CCDC186: variants seen among roughly 807,000 people sequenced by gnomAD.
CCDC186 encodes the protein coiled-coil domain containing 186.
CCDC186 carries 49 observed loss-of-function variants against 113.7 expected under a neutral mutation model. That is an observed-to-expected ratio of 0.43 (90% CI 0.34 to 0.55). The LOEUF is 0.55. CCDC186 is among the 20% of genes least tolerant of loss of function. The probability of loss-of-function intolerance (pLI) is 0.02; values close to 1 mark genes in which losing one functional copy is unlikely to be tolerated. For synonymous variants in CCDC186, 355 were observed against 345.8 expected (o/e 1.03, Z -0.30); for missense variants, 890 against 1,011.1 (o/e 0.88, Z 1.62).
chr10:114,163,214 T>C lies in CCDC186; in HGVS notation c.55A>G (p.Thr19Ala). ...CATGAGTCTTCCTTTAATTCAGGTG[T>C]TTTCCCAACATTTTTATCAGAGGAA... is the stretch of plus-strand genomic sequence containing the variant. ...STSSDKNVGK[T>A]PELKEDSCNL... The change falls in exon 2 of 16, where the codon ACA (threonine) becomes GCA (alanine). Residue 19 changes from threonine to alanine, a missense_variant. Physicochemically the swap from Thr to Ala is moderately conservative, Grantham distance 58 (BLOSUM62 0). Coordinates refer to ENST00000369287, the MANE Select transcript of CCDC186 (RefSeq NM_018017.4). The C allele has an allele frequency of 1.2e-6, 2 of 1,613,694 alleles. No homozygotes were observed. The highest frequency in any genetic ancestry group is 1.7e-6 in the Non-Finnish European group (2 of 1,179,996).
intron 13 of CCDC186, 110 bp from the exon 14 acceptor site, chr10:114,127,781 G>T: frequency 1.0e-6 from 1 of 989,064 alleles, no homozygotes; most frequent in Non-Finnish European, 1.5e-6. Context: ...AACAGAGTTG[G>T]ACACAGAAGA....
At chr10:114,151,799 T>C (rs1453776280) in intron 3 of CCDC186, among the ~76,000 whole-genome samples, 1 of 152,160 alleles carries the variant, frequency 6.6e-6, no homozygotes. Flanking sequence ...GTTTACTTAT[T>C]AGTGGCCCCA....
intron 14 of CCDC186, 92 bp downstream of exon 14, chr10:114,127,369 G>T: frequency 8.8e-7 from 1 of 1,133,202 alleles, no homozygotes; most frequent in African/African-American, 1.6e-5. Context: ...TTGAAAGATA[G>T]GTTCTTGATA....
chr10:114,147,828 G>A (rs1564912001), intron 4 of CCDC186, among the ~76,000 whole-genome samples: 1 of 152,046 alleles, frequency 6.6e-6, no homozygotes, highest in Non-Finnish European at 1.5e-5. Flanking sequence ...TAGACAAGGT[G>A]AAATATTATG....
Position 114,149,754 on chromosome 10 carries a change from CAGGAAGGAAGGAAGGA to C in CCDC186, c.888+1322_888+1337del, listed in dbSNP as rs1182536298. ...GGACGAAGGAAGGAAGGCAGGAAGG[CAGGAAGGAAGGAAGGA>C]AGGAAGGCAGGAAGGCAGGAAGGAA... On this transcript the variant is annotated intron_variant, in intron 4 of 15. Coordinates refer to ENST00000369287, the MANE Select transcript of CCDC186 (RefSeq NM_018017.4). Among the ~76,000 whole-genome samples the C allele has an allele frequency of 5.3e-4, 32 of 60,660 alleles. 1 individual carries two copies. The highest frequency in any genetic ancestry group is 1.8e-3 in the East Asian group (3 of 1,642). 39.8% of individuals were successfully genotyped at this position (60,660 alleles called of 152,430 possible). A position where few individuals can be genotyped will look rare whatever the true frequency, so the allele number is the denominator to read the frequency against.
At chr10:114,169,352 C>G (rs2119819660) in intron 1 of CCDC186, among the ~76,000 whole-genome samples, 1 of 148,812 alleles carries the variant, frequency 6.7e-6, no homozygotes, top group East Asian at 2.1e-4. Flanking sequence ...TCCAGCGATT[C>G]TCCCGCTCAG....
chr10:114,145,496 A>T (rs1428296005), intron 5 of CCDC186, 53 bp downstream of exon 5: 19 of 1,414,494 alleles, frequency 1.3e-5, no homozygotes, highest in African/African-American at 2.9e-5. Flanking sequence ...TGGAAAAGCA[A>T]AGAGAACAAA....
chr10:114,163,390 C>T (rs2032238395), intron 1 of CCDC186, 61 bp from the exon 2 acceptor site: 26 of 1,344,258 alleles, frequency 1.9e-5, no homozygotes, highest in Non-Finnish European at 2.4e-5. Flanking sequence ...TACAAACTTG[C>T]ACACACTCTG....
rs10659450 is a variant in CCDC186, at chr10:114,129,314, CA to C, written c.2182+576del. Among the ~76,000 whole-genome samples, 1,349 of 138,840 alleles carry C rather than the reference CA, an allele frequency of 9.7e-3. 22 individuals carry two copies. Among genetic ancestry groups the C allele is most frequent in the African/African-American group, 0.032 (1,202 of 38,148 alleles). The allele number at this position is 138,840 out of a possible 152,430, so 91.1% of individuals were successfully genotyped here. A position where few individuals can be genotyped will look rare whatever the true frequency, so the allele number is the denominator to read the frequency against. The stretch of plus-strand genomic sequence containing the variant: ...TGGGTGACTGAGTTAAGACCTGTCT[CA>C]AAAAAAAAAAGAAAGAAAAAGAAAA... On this transcript the variant is annotated intron_variant, in intron 13 of 15. Transcript: ENST00000369287.
In CCDC186 at chr10:114,123,626, T is replaced by C. The variant is rs896039661; in HGVS notation, c.*1517A>G. The C allele has an allele frequency of 6.6e-6, 1 of 152,196 alleles. No homozygotes were observed. Among genetic ancestry groups the C allele is most frequent in the African/African-American group, 2.4e-5 (1 of 41,452 alleles). 9.4% of individuals were successfully genotyped at this position (152,196 alleles called of 1,614,324 possible). On this transcript the variant is annotated 3_prime_UTR_variant, in exon 16 of 16. Coordinates refer to ENST00000369287, the MANE Select transcript of CCDC186 (RefSeq NM_018017.4). Reference sequence around the variant, plus strand: ...GCATAAGAGCCACGGTATCTTATTATAGTAATGATCTGAAGATAATGAATT... The same window carrying C: ...GCATAAGAGCCACGGTATCTTATTACAGTAATGATCTGAAGATAATGAATT...
chr10:114,166,593 C>T (rs1028029188), intron 1 of CCDC186, among the ~76,000 whole-genome samples: 1 of 152,200 alleles, frequency 6.6e-6, no homozygotes, highest in Non-Finnish European at 1.5e-5. Flanking sequence ...ACTCTTAAGT[C>T]TCATGCAATA....
At chr10:114,155,669 C>T (rs982757362) in intron 3 of CCDC186, among the ~76,000 whole-genome samples, 2 of 151,460 alleles carry the variant, frequency 1.3e-5, no homozygotes, top group African/African-American at 2.4e-5. Flanking sequence ...GAGCGAAACC[C>T]CATCTCAAAG....
chr10:114,138,035 C>A, intron 6 of CCDC186, among the ~76,000 whole-genome samples: 1 of 46,846 alleles, frequency 2.1e-5, no homozygotes, highest in African/African-American at 7.9e-5. Flanking sequence ...GAAACTCGGT[C>A]TCAAAAAAAA....
chr10:114,161,438 A>G (rs2032164965), intron 2 of CCDC186, among the ~76,000 whole-genome samples: 1 of 152,180 alleles, frequency 6.6e-6, no homozygotes, highest in African/African-American at 2.4e-5. Context: ...AATGTATAAC[A>G]TCTTATAATT....
chr10:114,170,923 G>C (rs182647996), intron 1 of CCDC186, among the ~76,000 whole-genome samples: 2 of 152,060 alleles, frequency 1.3e-5, no homozygotes, highest in South Asian at 4.2e-4. Flanking sequence ...ACAGGACAAA[G>C]AGAAATTATG....
At chr10:114,151,042 C>G in intron 4 of CCDC186, 50 bp downstream of exon 4, 1 of 1,595,572 alleles carries the variant, frequency 6.3e-7, no homozygotes, top group East Asian at 2.2e-5. Flanking sequence ...TTTTAACAAA[C>G]AAGAGTCACC....
At chr10:114,168,582 G>A (rs746687679) in intron 1 of CCDC186, among the ~76,000 whole-genome samples, 19 of 152,022 alleles carry the variant, frequency 1.2e-4, no homozygotes, top group Non-Finnish European at 2.1e-4. Context: ...AAACTGGCTC[G>A]ACTGGTCTTG....
At chr10:114,154,719 C>T (rs1029238314) in intron 3 of CCDC186, among the ~76,000 whole-genome samples, 1 of 152,144 alleles carries the variant, frequency 6.6e-6, no homozygotes, top group African/African-American at 2.4e-5. Flanking sequence ...CCTAGGTATA[C>T]ACCCAAGAGA....
rs1262871924 is a variant in CCDC186, at chr10:114,127,638, C to T, written c.2216G>A (p.Arg739Gln). 12 of 1,613,824 alleles carry T rather than the reference C, an allele frequency of 7.4e-6. 1 individual carries two copies. The highest frequency in any genetic ancestry group is 3.3e-5 in the South Asian group (3 of 91,068). ...SLNARSSAED[R>Q]SPENTGSSVA... is the part of the protein sequence containing the mutation. ...TGAGGACCCAGTATTTTCTGGAGATCGATCTTCTGCACTGCTTCGAGCATT... is the reference window on the plus strand; with the variant it reads ...TGAGGACCCAGTATTTTCTGGAGATTGATCTTCTGCACTGCTTCGAGCATT... The change falls in exon 14 of 16, where the codon CGA (arginine) becomes CAA (glutamine). Residue 739 changes from arginine (R) to glutamine (Q), a missense_variant. Arg to Gln is a conservative substitution (Grantham distance 43). Transcript: ENST00000369287.
Sources: allele counts gnomAD v4.1 joint callset (sites outside exome capture counted in the v4.1 genomes callset), GRCh38; gene constraint gnomAD v4.1.1; transcripts MANE v1.5; gene names NCBI Gene and HGNC (gene_info 2026-07-23, HGNC 2026-07-21).